Variants in UPF3A observed in about 807,000 individuals in gnomAD.
UPF3A encodes the protein UPF3A regulator of nonsense mediated mRNA decay.
A neutral mutation model predicts 53.5 loss-of-function variants in UPF3A; 42 were observed. The ratio of observed to expected loss-of-function variants is 0.78; its 90% CI spans 0.61 to 1.01. The LOEUF is 1.01. Among genes scored for constraint, UPF3A ranks in the 50% least tolerant of loss-of-function variants. UPF3A has a pLI of 0.00. For missense variants in UPF3A, 575 were observed against 598.0 expected, an observed-to-expected ratio of 0.96 and a Z score of 0.40; for synonymous variants, 237 against 225.3, an observed-to-expected ratio of 1.05 and a Z score of -0.47.
At chr13:114,290,725 CTTTTTTTTCTT>C (rs1566742456) in intron 5 of UPF3A, among the ~76,000 whole-genome samples, 1 of 148,752 alleles carries the variant, frequency 6.7e-6, no homozygotes, top group African/African-American at 2.5e-5. Context: ...TTTTTCTTTT[CTTTTTTTTCTT>C]TTTTTTTTTT....
At chr13:114,292,096 T>C (rs541384633) in intron 7 of UPF3A, among the ~76,000 whole-genome samples, 1 of 151,980 alleles carries the variant, frequency 6.6e-6, no homozygotes, top group South Asian at 2.1e-4. Context: ...CGCTCTTTTT[T>C]TTTTTTTTTT....
chr13:114,303,556 C>A (rs1258766320), intron 9 of UPF3A, among the ~76,000 whole-genome samples: 2 of 152,072 alleles, frequency 1.3e-5, no homozygotes, highest in South Asian at 4.1e-4. Context: ...GAGGCCAAGG[C>A]GGGTGGAACA....
chr13:114,286,661 A>G (rs375215464), intron 5 of UPF3A, 32 bp downstream of exon 5: 9 of 1,538,518 alleles, frequency 5.8e-6, no homozygotes, highest in Non-Finnish European at 8.0e-6. Context: ...TCTTTTCTTT[A>G]TTGAGAGATT....
intron 7 of UPF3A, among the ~76,000 whole-genome samples, chr13:114,294,140 C>A (rs974568054): frequency 2.6e-5 from 4 of 152,106 alleles, no homozygotes; most frequent in Non-Finnish European, 5.9e-5. Flanking sequence ...ACTTCTAAAT[C>A]ATGTGGAAAA....
At chr13:114,291,363 A>T in intron 5 of UPF3A, 126 bp from the exon 6 acceptor site, 2 of 907,808 alleles carry the variant, frequency 2.2e-6, no homozygotes, top group Non-Finnish European at 3.2e-6. Context: ...CCCTGGAGAC[A>T]GTGTGTAAAT....
chr13:114,286,764 C>A, intron 5 of UPF3A, 135 bp downstream of exon 5: 2 of 704,566 alleles, frequency 2.8e-6, no homozygotes, highest in South Asian at 2.2e-5. Flanking sequence ...AGAGTGATTT[C>A]CAGTTTTGAC....
At chr13:114,282,244 T>G (rs2084150259) in intron 2 of UPF3A, 117 bp downstream of exon 2, 2 of 926,746 alleles carry the variant, frequency 2.2e-6, no homozygotes, top group Non-Finnish European at 3.1e-6. Context: ...TCGTGTGAGC[T>G]TTTTGAATAA....
chr13:114,282,779 A>G, intron 2 of UPF3A, 58 bp from the exon 3 acceptor site: 1 of 1,559,140 alleles, frequency 6.4e-7, no homozygotes, highest in African/African-American at 1.4e-5. Context: ...AAAAGAGGCT[A>G]AATTAATGGA....
intron 5 of UPF3A, 96 bp downstream of exon 5, chr13:114,286,725 G>T: frequency 4.1e-6 from 4 of 972,466 alleles, no homozygotes; most frequent in South Asian, 1.8e-5. Flanking sequence ...ATAACAAGTT[G>T]AAACTTGTTA....
rs3892116 is a variant in UPF3A at position 114,305,616 on chromosome 13, G to T, written c.*699G>T. ...TGCCCAAATAACAGAAATTTTGTTC[G>T]GGAAGGGATAAACTAGATATAGCAT... On this transcript the variant is annotated 3_prime_UTR_variant, in exon 10 of 10. Coordinates refer to ENST00000375299, the MANE Select transcript of UPF3A (RefSeq NM_023011.4). 1 of 152,946 alleles carries T rather than the reference G, an allele frequency of 6.5e-6. No homozygotes were observed. The highest frequency in any genetic ancestry group is 1.5e-5 in the Non-Finnish European group (1 of 68,472). 9.5% of individuals were successfully genotyped at this position (152,946 alleles called of 1,614,324 possible).
At chr13:114,282,978 C>T (rs1171718496) in intron 3 of UPF3A, 35 bp downstream of exon 3, 19 of 1,407,016 alleles carry the variant, frequency 1.4e-5, no homozygotes, top group Non-Finnish European at 1.9e-5. Context: ...CTATTATAAT[C>T]TGTAGGTATA....
At chr13:114,284,711 A>G (rs914241233) in intron 3 of UPF3A, among the ~76,000 whole-genome samples, 1 of 151,846 alleles carries the variant, frequency 6.6e-6, no homozygotes, top group Non-Finnish European at 1.5e-5. Context: ...AAAAAAAAAA[A>G]GTCACAAAAT....
intron 7 of UPF3A, among the ~76,000 whole-genome samples, chr13:114,293,455 G>A (rs72488214): frequency 0.057 from 8,688 of 152,162 alleles, 298 homozygotes; most frequent in Middle Eastern, 0.16. Context: ...CTGTGTGAAG[G>A]CTGACTCAGA....
chr13:114,304,716 G>T, intron 9 of UPF3A, 73 bp from the exon 10 acceptor site: 1 of 1,542,978 alleles, frequency 6.5e-7, no homozygotes, highest in Non-Finnish European at 8.7e-7. Context: ...TCAAGTTCTA[G>T]AAATATAGGG....
At chr13:114,300,554 T>G (rs979014637) in intron 8 of UPF3A, among the ~76,000 whole-genome samples, 2 of 150,796 alleles carry the variant, frequency 1.3e-5, no homozygotes, top group African/African-American at 2.4e-5. Context: ...TTTTTTTTGT[T>G]TTTTTGAAAC....
chr13:114,283,947 T>C (rs1166960200), intron 3 of UPF3A: 19 of 985,426 alleles, frequency 1.9e-5, no homozygotes, highest in Middle Eastern at 5.2e-4. Context: ...AGAAAGATTG[T>C]TAAAAAAATA....
chr13:114,304,745 G>C (rs1452346569), intron 9 of UPF3A, 44 bp from the exon 10 acceptor site: 1 of 1,605,186 alleles, frequency 6.2e-7, no homozygotes, highest in East Asian at 2.2e-5. Context: ...ACCCTTCTGT[G>C]TTGCTACCTC....
rs201865453 is a variant in UPF3A at position 114,281,783 on chromosome 13, G to A, written c.144G>A (p.Ser48=). ...AGGAGGCTGAGACGCCGCCAACTTC[G>A]TCCTCCGGTTGCGGGGGCGGTGCGG... is the stretch of plus-strand genomic sequence containing the variant. ...QQQEAETPPT[S]SSGCGGGAGK... is the part of the protein sequence containing the mutation. The change falls in exon 1 of 10, where the codon TCG becomes TCA. Residue 48 remains serine (S), a synonymous_variant. Coordinates refer to ENST00000375299, the MANE Select transcript of UPF3A (RefSeq NM_023011.4). The A allele has an allele frequency of 2.1e-5, 32 of 1,556,662 alleles. No homozygotes were observed. In the East Asian group the frequency reaches 2.7e-4, roughly 13 times the overall value.
At chr13:114,303,622 C>T (rs186284714) in intron 9 of UPF3A, among the ~76,000 whole-genome samples, 6 of 152,102 alleles carry the variant, frequency 3.9e-5, no homozygotes, top group Admixed American at 6.6e-5. Context: ...CCCATCTCTA[C>T]GGAAAATACA....
Sources: gnomAD v4.1 joint callset for allele counts (sites outside exome capture counted in the v4.1 genomes callset) on GRCh38, gnomAD v4.1.1 for gene constraint, MANE v1.5 for transcripts, NCBI Gene and HGNC (gene_info 2026-07-23, HGNC 2026-07-21) for gene names.